The following TRERF1 variants were observed in gnomAD, a reference collection of about 807,000 sequenced individuals.
TRERF1 encodes transcriptional-regulating factor 1.
A neutral mutation model predicts 122.9 loss-of-function variants in TRERF1; 27 were observed. That is an observed-to-expected ratio of 0.22 (90% CI 0.16 to 0.30). The LOEUF (loss-of-function observed/expected upper bound fraction) is 0.30, where lower values mean the gene tolerates loss of function less well. TRERF1 is among the 10% of genes least tolerant of loss of function. TRERF1 has a pLI of 1.00. For missense variants in TRERF1, 1,248 were observed against 1,560.3 expected (o/e 0.80, Z 3.37); for synonymous variants, 636 against 641.7 (o/e 0.99, Z 0.13).
intron 3 of TRERF1, among the ~76,000 whole-genome samples, chr6:42,342,372 C>T (rs1767465095): frequency 6.6e-6 from 1 of 152,148 alleles, no homozygotes; most frequent in South Asian, 2.1e-4. Flanking sequence ...GGACAATCTC[C>T]ACTGTAAAGG....
chr6:42,250,431 C>G (rs1279044514), intron 13 of TRERF1, among the ~76,000 whole-genome samples: 7 of 152,182 alleles, frequency 4.6e-5, no homozygotes, highest in African/African-American at 1.7e-4. Context: ...TCAGATGTCT[C>G]TCTTTCCTGG....
chr6:42,225,727 A>C (rs2149440703), exon 18 of TRERF1: 1 of 152,290 alleles, frequency 6.6e-6, no homozygotes, highest in South Asian at 2.1e-4. Flanking sequence ...TATTACATTA[A>C]TTTTTTTCAA....
intron 3 of TRERF1, among the ~76,000 whole-genome samples, chr6:42,315,707 C>CT (rs2150389657): frequency 1.7e-5 from 1 of 57,500 alleles, no homozygotes; most frequent in East Asian, 1.1e-3. Flanking sequence ...AGGAACACCA[C>CT]CCCCCCCCCC....
chr6:42,239,991 G>T (rs1466799268), intron 15 of TRERF1, among the ~76,000 whole-genome samples: 1 of 151,990 alleles, frequency 6.6e-6, no homozygotes, highest in Non-Finnish European at 1.5e-5. Context: ...ACCCAAGAGG[G>T]TGTGGCCCCT....
chr6:42,255,694 T>C (rs1297276079), intron 12 of TRERF1, among the ~76,000 whole-genome samples: 1 of 152,202 alleles, frequency 6.6e-6, no homozygotes, highest in Admixed American at 6.5e-5. Flanking sequence ...TCTCCAGCAT[T>C]CTAGGAAATA....
chr6:42,438,567 A>G (rs1364340758), intron 2 of TRERF1, among the ~76,000 whole-genome samples: 3 of 151,252 alleles, frequency 2.0e-5, no homozygotes, highest in Non-Finnish European at 3.0e-5. Context: ...CCGAGATCAC[A>G]CCACTGCACT....
At chr6:42,279,145 G>T (rs1781820133) in intron 4 of TRERF1, among the ~76,000 whole-genome samples, 1 of 152,172 alleles carries the variant, frequency 6.6e-6, no homozygotes, top group African/African-American at 2.4e-5. Flanking sequence ...ATAGGGCTTG[G>T]GCCTCACAGA....
chr6:42,405,561 G>A (rs1780049608), intron 2 of TRERF1, among the ~76,000 whole-genome samples: 1 of 152,228 alleles, frequency 6.6e-6, no homozygotes, highest in East Asian at 1.9e-4. Context: ...TTGGGAGGCC[G>A]AGGTAGGCAG....
In TRERF1 at chr6:42,277,974, A is replaced by AGAAGAC. The variant is rs1161319382; in HGVS notation, c.-258-8127_-258-8126insGTCTTC. On this transcript the variant is annotated intron_variant, in intron 4 of 17. Transcript: ENST00000372922. The stretch of plus-strand genomic sequence containing the variant: ...AAGAAGAAGAAGAAGAAGAAGAAGA[A>AGAAGAC]GACTGCAATAGAAGACAGGAGCCCT... Among the ~76,000 whole-genome samples, 34 of 147,120 alleles carry AGAAGAC rather than the reference A, an allele frequency of 2.3e-4. No homozygotes were observed. In the East Asian group the frequency reaches 3.0e-3, roughly 13 times the overall value.
At chr6:42,413,344 C>T (rs1158571803) in intron 2 of TRERF1, among the ~76,000 whole-genome samples, 2 of 151,982 alleles carry the variant, frequency 1.3e-5, no homozygotes, top group Non-Finnish European at 2.9e-5. Context: ...TCTCTACTTT[C>T]TCACTCCCCA....
chr6:42,282,182 T>C (rs2150053656), intron 4 of TRERF1, among the ~76,000 whole-genome samples: 1 of 152,298 alleles, frequency 6.6e-6, no homozygotes, highest in Non-Finnish European at 1.5e-5. Flanking sequence ...ACAACCCAAA[T>C]GCCTAACCAT....
At chr6:42,250,242 G>C (rs1020612490) in intron 13 of TRERF1, among the ~76,000 whole-genome samples, 3 of 152,166 alleles carry the variant, frequency 2.0e-5, no homozygotes, top group Non-Finnish European at 4.4e-5. Context: ...TTCCAAATCA[G>C]CCCAGGGCTA....
intron 4 of TRERF1, among the ~76,000 whole-genome samples, chr6:42,290,295 G>C (rs1784083756): frequency 6.6e-6 from 1 of 152,232 alleles, no homozygotes; most frequent in Non-Finnish European, 1.5e-5. Context: ...GAACATGACA[G>C]AGGAAGGCAG....
In TRERF1 at chr6:42,334,523, G is replaced by GCC. The variant is rs146103719; in HGVS notation, c.-371+28473_-371+28474insGG. 7.7e-3 allele frequency among the ~76,000 whole-genome samples: 1,177 copies of GCC among 152,322 alleles called. 15 individuals are homozygous for GCC. Among genetic ancestry groups the GCC allele is most frequent in the African/African-American group, 0.027 (1,104 of 41,560 alleles). Reference sequence around the variant, plus strand: ...TTTTGATTTGGTTAGCAAAAAAAGTGTCTCTGGGACTAATTCTACACAGCA... The same window carrying GCC: ...TTTTGATTTGGTTAGCAAAAAAAGTGCCTCTCTGGGACTAATTCTACACAGCA... On this transcript the variant is annotated intron_variant, in intron 3 of 17. Coordinates refer to ENST00000372922, the Ensembl canonical transcript of TRERF1.
At chr6:42,356,762 C>A (rs189543825) in intron 3 of TRERF1, among the ~76,000 whole-genome samples, 1 of 151,806 alleles carries the variant, frequency 6.6e-6, no homozygotes, top group South Asian at 2.1e-4. Flanking sequence ...TTTTTAGAGA[C>A]GTGGTTTTGC....
chr6:42,251,965 G>A (rs535927387), intron 13 of TRERF1, among the ~76,000 whole-genome samples: 19 of 152,316 alleles, frequency 1.2e-4, no homozygotes, highest in African/African-American at 4.6e-4. Context: ...ACCAGGCTTC[G>A]TCTCCACCCT....
In TRERF1 at chr6:42,228,485, G is replaced by T. The variant is rs1393366812; in HGVS notation, c.3463C>A (p.Pro1155Thr). 4.3e-6 allele frequency: 7 copies of T among 1,614,024 alleles called. No homozygotes were observed. The East Asian group carries it at 1.6e-4, about 36-fold the overall frequency. Reference sequence around the variant, plus strand: ...TCGAGGATGTCCACATCCTTGATGGGTTTGATCAGACTCAGCTGGTCCAGG... The same window carrying T: ...TCGAGGATGTCCACATCCTTGATGGTTTTGATCAGACTCAGCTGGTCCAGG... Residue 1155 changes from proline to threonine, a missense_variant, in exon 18 of 18, where the codon CCC (proline) becomes ACC (threonine). By Grantham distance (38) the Pro-to-Thr change is conservative (BLOSUM62 -1). Around this residue, in one of 5 missense-constraint regions of TRERF1, gnomAD observed 84 missense variants for 116.0 expected, o/e 0.72. Coordinates refer to ENST00000372922, the Ensembl canonical transcript of TRERF1. The surrounding 1 kb of genome is among the most constrained non-coding windows in gnomAD (Gnocchi z 4.2).
intron 2 of TRERF1, among the ~76,000 whole-genome samples, chr6:42,428,559 A>G (rs990711048): frequency 6.6e-6 from 1 of 152,226 alleles, no homozygotes; most frequent in Non-Finnish European, 1.5e-5. Context: ...CACATCTTAC[A>G]TCACAGCACA....
intron 2 of TRERF1, among the ~76,000 whole-genome samples, chr6:42,408,197 C>T (rs1294337674): frequency 2.7e-5 from 3 of 111,332 alleles, no homozygotes; most frequent in Non-Finnish European, 5.7e-5. Flanking sequence ...CCATTAACTT[C>T]GCTATATAAA....
Sources: allele counts gnomAD v4.1 joint callset (sites outside exome capture counted in the v4.1 genomes callset), GRCh38; gene constraint gnomAD v4.1.1; regional missense constraint gnomAD v4.1.1; non-coding constraint Gnocchi (gnomAD v3.1); transcripts MANE v1.5; gene names NCBI Gene and HGNC (gene_info 2026-07-23, HGNC 2026-07-21).